Variants in NLRP13 observed in about 807,000 individuals in gnomAD.
The protein encoded by NLRP13 is NACHT, LRR and PYD domains-containing protein 13.
In NLRP13, 82 loss-of-function variants were observed where a neutral mutation model predicts 94.4. That is an observed-to-expected ratio of 0.87 (90% confidence interval 0.73 to 1.04). The LOEUF is 1.04. NLRP13 is among the 50% of genes least tolerant of loss of function. The pLI is 0.00. For synonymous variants in NLRP13, 553 were observed against 464.7 expected, an observed-to-expected ratio of 1.19 and a Z score of -2.45; for missense variants, 1,426 against 1,230.8, an observed-to-expected ratio of 1.16 and a Z score of -2.37.
chr19:55,924,643 T>C lies in NLRP13; in HGVS notation c.404A>G (p.Gln135Arg). 1 of 1,613,368 alleles carries C rather than the reference T, an allele frequency of 6.2e-7. No individual in the cohort carries two copies. Among genetic ancestry groups the C allele is most frequent in the Non-Finnish European group, 8.5e-7 (1 of 1,179,404 alleles). The change falls in exon 3 of 11, where the codon CAG (glutamine) becomes CGG (arginine). Residue 135 changes from glutamine to arginine, a missense_variant. Coordinates refer to ENST00000342929, the MANE Select transcript of NLRP13 (RefSeq NM_176810.2). The stretch of plus-strand genomic sequence containing the variant: ...TTCTTGGTTTGGATCTTGGCATCCC[T>C]GGGTCTGCATATTCCCTGAAATAAA... ...LEAAAGNMQT[Q>R]GCQDPNQEEL...
chr19:55,927,458 A>C (rs866348827), intron 1 of NLRP13, among the ~76,000 whole-genome samples: 924 of 38,424 alleles, frequency 0.024, 9 homozygotes, highest in African/African-American at 0.15. Context: ...TAATTCCTTA[A>C]AAAAAAAAAA....
In NLRP13 at chr19:55,912,663, C is replaced by G. The variant is rs563005329; in HGVS notation, c.1154G>C (p.Gly385Ala). ...TACCCGTAGGTCGTCCCCTGTGAAC[C>G]CTGTAATTTGTACAAAGCATGGATT... ...LVNPCFVQIT[G>A]FTGDDLRVYF... The change falls in exon 5 of 11, where the codon GGG becomes GCG. Residue 385 changes from glycine (G) to alanine (A), a missense_variant. Physicochemically the swap from Gly to Ala is moderately conservative, Grantham distance 60. Coordinates refer to ENST00000342929, the MANE Select transcript of NLRP13 (RefSeq NM_176810.2). The G allele has an allele frequency of 6.2e-7, 1 of 1,614,180 alleles. No individual in the cohort carries two copies. Among genetic ancestry groups the G allele is most frequent in the South Asian group, 1.1e-5 (1 of 91,084 alleles).
chr19:55,894,930 G>C (rs896748455), downstream of NLRP13, among the ~76,000 whole-genome samples: 74 of 152,326 alleles, frequency 4.9e-4, no homozygotes, highest in African/African-American at 1.7e-3. Context: ...TTAGCGACAT[G>C]TGGCTGTTAA....
intron 9 of NLRP13, among the ~76,000 whole-genome samples, chr19:55,899,347 A>G (rs1986102073): frequency 6.6e-6 from 1 of 152,196 alleles, no homozygotes; most frequent in Non-Finnish European, 1.5e-5. Context: ...TTACTATACC[A>G]TAATAAGTTC....
At chr19:55,915,636 A>C (rs988356942) in intron 4 of NLRP13, among the ~76,000 whole-genome samples, 1 of 152,094 alleles carries the variant, frequency 6.6e-6, no homozygotes, top group Non-Finnish European at 1.5e-5. Context: ...CAATTCAAAC[A>C]GAGTATCAGG....
chr19:55,926,145 T>C (rs1020469424), intron 1 of NLRP13, among the ~76,000 whole-genome samples: 7 of 152,190 alleles, frequency 4.6e-5, no homozygotes, highest in Admixed American at 2.0e-4. Flanking sequence ...CATTCCTCTG[T>C]TGCAAACGAA....
rs750811839 is a variant in NLRP13 at position 55,913,111 on chromosome 19, TC to T, written c.705del (p.Arg236GlyfsTer38). 7.4e-4 allele frequency: 1,197 copies of T among 1,614,040 alleles called. 9 individuals are homozygous for T. The highest frequency in any genetic ancestry group is 1.3e-4 in the Non-Finnish European group (152 of 1,179,982). ...AAGGTGGTCTTCCCAACCCCTGCCC[TC>T]CCCACCAAGACTATCGTCTGGGCCT... is the stretch of plus-strand genomic sequence containing the variant. ...RAQAQTIVLV[G>X]RAGVGKTTLA... On this transcript the variant is annotated frameshift_variant, in exon 5 of 11. Transcript: ENST00000342929. LOFTEE classifies it high-confidence loss of function.
At chr19:55,894,879 C>A (rs1307668573), downstream of NLRP13, among the ~76,000 whole-genome samples, 2 of 152,062 alleles carry the variant, frequency 1.3e-5, no homozygotes, top group African/African-American at 2.4e-5. Context: ...TCTCAAAATA[C>A]CCAAAAGTCT....
At chr19:55,924,706 A>G in intron 2 of NLRP13, 48 bp from the exon 3 acceptor site, 1 of 1,529,338 alleles carries the variant, frequency 6.5e-7, no homozygotes, top group East Asian at 2.2e-5. Context: ...CAGAGTGAAA[A>G]TGGGCCAGCA....
chr19:55,897,803 A>G (rs1986054722), intron 10 of NLRP13, among the ~76,000 whole-genome samples: 1 of 152,186 alleles, frequency 6.6e-6, no homozygotes, highest in Admixed American at 6.5e-5. Flanking sequence ...GGTGGCTGGT[A>G]AACCCCAACA....
downstream of NLRP13, among the ~76,000 whole-genome samples, chr19:55,893,264 T>C (rs1191594624): frequency 6.6e-6 from 1 of 151,976 alleles, no homozygotes; most frequent in African/African-American, 2.4e-5. Context: ...GGCACGTGCC[T>C]GTAATCCAGG....
chr19:55,905,714 G>A (rs1600263524), intron 7 of NLRP13, among the ~76,000 whole-genome samples: 1 of 151,950 alleles, frequency 6.6e-6, no homozygotes, highest in African/African-American at 2.4e-5. Flanking sequence ...GGGCTGGATT[G>A]CACTTAGTTG....
rs776494327 is a variant in NLRP13 at position 55,910,750 on chromosome 19, C to T, written c.2112-17G>A. ...TTGCTTGTCCTTCATGAGGGAGAGACAGAACACGGATAAGAGCAAATTAGC... is the reference window on the plus strand; with the variant it reads ...TTGCTTGTCCTTCATGAGGGAGAGATAGAACACGGATAAGAGCAAATTAGC... On this transcript the variant is annotated splice_polypyrimidine_tract_variant and intron_variant, in intron 5 of 10. Coordinates refer to ENST00000342929, the MANE Select transcript of NLRP13 (RefSeq NM_176810.2). 3 of 1,588,620 alleles carry T rather than the reference C, an allele frequency of 1.9e-6. No individual in the cohort carries two copies.
At chr19:55,892,547 G>C (rs183538620), downstream of NLRP13, among the ~76,000 whole-genome samples, 9 of 152,182 alleles carry the variant, frequency 5.9e-5, no homozygotes, top group African/African-American at 1.9e-4. Flanking sequence ...TTAGGCTCCT[G>C]AATAGCTGGG....
rs1309897689 is a variant in NLRP13 at position 55,913,197 on chromosome 19, G to A, written c.620C>T (p.Thr207Ile). ...CAGTTCCTCATGTTCGTCCTTTGAT[G>A]TATTACGGATATATACGTGGTCTTT... ...WPKDHVYIRN[T>I]SKDEHEELQR... The change falls in exon 5 of 11, where the codon ACA becomes ATA. Residue 207 changes from threonine to isoleucine, a missense_variant. Physicochemically the swap from Thr to Ile is moderately conservative, Grantham distance 89. Coordinates refer to ENST00000342929, the MANE Select transcript of NLRP13 (RefSeq NM_176810.2). 1.9e-6 allele frequency: 3 copies of A among 1,614,124 alleles called. No homozygotes were observed. The highest frequency in any genetic ancestry group is 1.7e-5 in the Admixed American group (1 of 60,016).
chr19:55,922,591 G>T (rs1229233703), intron 4 of NLRP13, among the ~76,000 whole-genome samples: 1 of 152,202 alleles, frequency 6.6e-6, no homozygotes, highest in Non-Finnish European at 1.5e-5. Context: ...CTCCCCAAGT[G>T]CTGGGATTAC....
chr19:55,913,644 G>T (rs181979388), intron 4 of NLRP13, among the ~76,000 whole-genome samples: 15 of 151,024 alleles, frequency 9.9e-5, no homozygotes, highest in African/African-American at 3.4e-4. Context: ...ACATAAGAGC[G>T]ATCAAGAACA....
In NLRP13 at chr19:55,923,763, G is replaced by A; in HGVS notation, c.523+151C>T. ...TGGACCTGGCATTTTTCAACAAATT[G>A]TACTGGAAGAACCAGTTGGGAAGAG... On this transcript the variant is annotated intron_variant, in intron 4 of 10. Coordinates refer to ENST00000342929, the MANE Select transcript of NLRP13 (RefSeq NM_176810.2). The A allele has an allele frequency of 4.8e-6, 3 of 629,434 alleles. No homozygotes were observed. The South Asian group carries it at 6.1e-5, about 13-fold the overall frequency. 39.0% of individuals were successfully genotyped at this position (629,434 alleles called of 1,614,324 possible). A position where few individuals can be genotyped will look rare whatever the true frequency, so the allele number is the denominator to read the frequency against.
intron 7 of NLRP13, among the ~76,000 whole-genome samples, chr19:55,906,356 A>G (rs1300670664): frequency 6.6e-6 from 1 of 150,446 alleles, no homozygotes; most frequent in Non-Finnish European, 1.5e-5. Context: ...AAAAAAAAAG[A>G]CAGATGATAG....
Sources: gnomAD v4.1 joint callset for allele counts (sites outside exome capture counted in the v4.1 genomes callset) on GRCh38, gnomAD v4.1.1 for gene constraint, MANE v1.5 for transcripts, NCBI Gene and HGNC (gene_info 2026-07-23, HGNC 2026-07-21) for gene names.